CACNA1B: variants seen among roughly 807,000 people sequenced by gnomAD.
CACNA1B encodes calcium voltage-gated channel subunit alpha1 B.
A neutral mutation model predicts 247.2 loss-of-function variants in CACNA1B; 70 were observed. The ratio of observed to expected loss-of-function variants is 0.28; its 90% CI spans 0.23 to 0.35. The LOEUF is 0.35. CACNA1B is among the 10% of genes least tolerant of loss of function. The probability of loss-of-function intolerance (pLI) is 1.00; values close to 1 mark genes in which losing one functional copy is unlikely to be tolerated. For missense variants in CACNA1B, 2,367 were observed against 3,197.4 expected (o/e 0.74, Z 6.26); for synonymous variants, 1,231 against 1,294.4 (o/e 0.95, Z 1.05).
At chr9:138,053,797 C>T in intron 25 of CACNA1B, 49 bp from the exon 26 acceptor site, 1 of 1,446,098 alleles carries the variant, frequency 6.9e-7, no homozygotes, top group Non-Finnish European at 9.6e-7. Flanking sequence ...GCCCCACTCT[C>T]CCACCATGAT....
rs780317106 is a variant in CACNA1B, at chr9:138,023,651, G to A, written c.2908G>A (p.Glu970Lys). The A allele has an allele frequency of 1.7e-5, 25 of 1,440,608 alleles. No individual in the cohort carries two copies. The East Asian group carries it at 7.5e-4, about 43-fold the overall frequency. The allele number at this position is 1,440,608 out of a possible 1,614,324, so 89.2% of individuals were successfully genotyped here. A position where few individuals can be genotyped will look rare whatever the true frequency, so the allele number is the denominator to read the frequency against. Residue 970 changes from glutamate to lysine, a missense_variant, in exon 19 of 47, where the codon GAG becomes AAG. Around this residue, in one of 12 missense-constraint regions of CACNA1B, gnomAD observed 631 missense variants for 631.1 expected, o/e 1.00. Coordinates refer to ENST00000371372, the MANE Select transcript of CACNA1B (RefSeq NM_000718.4). ...CCCCCGAGCGGGGCCCCGGGAGGCG[G>A]AGAGCGGGGAGGAGCCGGCGCGGCG... is the stretch of plus-strand genomic sequence containing the variant. ...GGPRAGPREA[E>K]SGEEPARRHR... is the part of the protein sequence containing the mutation.
At chr9:138,005,397 G>A (rs1393714044) in intron 15 of CACNA1B, among the ~76,000 whole-genome samples, 1 of 152,198 alleles carries the variant, frequency 6.6e-6, no homozygotes, top group East Asian at 1.9e-4. Flanking sequence ...TCACTCAGAT[G>A]TGAGAGCAAA....
At chr9:138,044,024 C>T (rs1589090261) in intron 21 of CACNA1B, 124 bp downstream of exon 21, 2 of 1,295,210 alleles carry the variant, frequency 1.5e-6, no homozygotes, top group East Asian at 4.7e-5. Context: ...CTCTAAATCC[C>T]ATGGCAGACC....
chr9:138,109,639 C>G (rs1003990534), intron 39 of CACNA1B, among the ~76,000 whole-genome samples: 1 of 152,226 alleles, frequency 6.6e-6, no homozygotes, highest in Non-Finnish European at 1.5e-5. Context: ...ACAGTCACAT[C>G]TGGGGCTTAG....
intron 3 of CACNA1B, among the ~76,000 whole-genome samples, chr9:137,905,214 G>A (rs1191941404): frequency 6.6e-6 from 1 of 152,044 alleles, no homozygotes; most frequent in Non-Finnish European, 1.5e-5. Flanking sequence ...TTAGCCAGGT[G>A]TGGTGGCACG....
In CACNA1B at chr9:138,046,821, C is replaced by T. The variant is rs779207280; in HGVS notation, c.3414-83C>T. The T allele has an allele frequency of 6.0e-5, 82 of 1,362,390 alleles. 1 individual carries two copies. Among genetic ancestry groups the T allele is most frequent in the Middle Eastern group, 4.0e-4 (2 of 4,996 alleles). The allele number at this position is 1,362,390 out of a possible 1,614,324, so 84.4% of individuals were successfully genotyped here. On this transcript the variant is annotated intron_variant, in intron 21 of 46. Transcript: ENST00000371372. ...CTGAGGCAGCCCAGAGCCCTTTCTG[C>T]GGGACGGGCTGAGCCTGCCCTGTGG...
chr9:138,105,906 G>A (rs1158515407), intron 39 of CACNA1B, 99 bp downstream of exon 39: 4 of 714,926 alleles, frequency 5.6e-6, no homozygotes, highest in African/African-American at 1.7e-5. Context: ...GGAGGGTGAG[G>A]GGCCAGCTGT....
At chr9:137,998,004 G>A (rs1958519685) in intron 15 of CACNA1B, among the ~76,000 whole-genome samples, 2 of 152,144 alleles carry the variant, frequency 1.3e-5, no homozygotes, top group Non-Finnish European at 2.9e-5. Flanking sequence ...TGAACAATGT[G>A]CAAAACAATG....
In CACNA1B at chr9:138,115,561, G is replaced by C; in HGVS notation, c.5659G>C (p.Val1887Leu). ...TTTGCCTCCTTTGCAGATGGGTCCT[G>C]TGTCCCTGTTCCACCCTCTGAAGGC... ...APGGLSQMGP[V>L]SLFHPLKATL... Residue 1887 changes from valine (V) to leucine (L), a missense_variant, in exon 42 of 47, where the codon GTG (valine) becomes CTG (leucine). Transcript: ENST00000371372. The C allele has an allele frequency of 6.2e-7, 1 of 1,613,174 alleles. No individual in the cohort carries two copies. Among genetic ancestry groups the C allele is most frequent in the Non-Finnish European group, 8.5e-7 (1 of 1,179,756 alleles).
chr9:138,070,416 C>T (rs908773231), intron 32 of CACNA1B, among the ~76,000 whole-genome samples: 9 of 152,218 alleles, frequency 5.9e-5, no homozygotes, highest in African/African-American at 1.9e-4. Flanking sequence ...CTCCCCCATT[C>T]GCATGTCACT....
rs143138319 is a variant in CACNA1B, at chr9:138,120,054, T to TG, written c.6031-105dup. 1.0e-5 allele frequency: 9 copies of TG among 895,308 alleles called. No individual in the cohort carries two copies. The East Asian group carries it at 1.3e-4, about 13-fold the overall frequency. The allele number at this position is 895,308 out of a possible 1,614,324, so 55.5% of individuals were successfully genotyped here. On this transcript the variant is annotated intron_variant, in intron 44 of 46. Transcript: ENST00000371372. The stretch of plus-strand genomic sequence containing the variant: ...GGTCCTTCTGACTGTGAGACCAGGA[T>TG]GGGGGGCGTGTGGGCCTGCTGTCTG...
rs200576631 is a variant in CACNA1B, at chr9:138,059,662, C to T, written c.4593C>T (p.Phe1531=). The T allele has an allele frequency of 2.9e-5, 47 of 1,598,910 alleles. No individual in the cohort carries two copies. The Middle Eastern group carries it at 6.6e-4, about 22-fold the overall frequency. Residue 1531 remains phenylalanine (F), a synonymous_variant, in exon 31 of 47, where the codon TTC becomes TTT. Coordinates refer to ENST00000371372, the MANE Select transcript of CACNA1B (RefSeq NM_000718.4). The surrounding 1 kb of genome is among the most constrained non-coding windows in gnomAD (Gnocchi z 4.2). ...CTCTTCTTTTTCTCTAGAACTATTT[C>T]AGAGATGCCTGGAATGTCTTTGACT... is the stretch of plus-strand genomic sequence containing the variant. ...KIIAFGVLNY[F]RDAWNVFDFV...
At position 137,932,682 on chromosome 9, in the gene CACNA1B, A is replaced by G. The variant is rs145178833; in HGVS notation, c.966+15251A>G. ...TACTGGGGAACCAAAAGGCAACTAG[A>G]CGTCTCAGGATTAGTACATTCTTCA... On this transcript the variant is annotated intron_variant, in intron 6 of 46. Coordinates refer to ENST00000371372, the MANE Select transcript of CACNA1B (RefSeq NM_000718.4). 2.5e-3 allele frequency among the ~76,000 whole-genome samples: 376 copies of G among 152,294 alleles called. 1 individual carries two copies. The highest frequency in any genetic ancestry group is 8.8e-3 in the African/African-American group (367 of 41,562).
At chr9:137,922,215 GCACCACGACCGCAAAGCATC>G in intron 6 of CACNA1B, among the ~76,000 whole-genome samples, 1 of 143,024 alleles carries the variant, frequency 7.0e-6, no homozygotes, top group South Asian at 2.2e-4. Flanking sequence ...AACATGATCA[GCACCACGACCGCAAAGCATC>G]CTGGGAGCAG....
At chr9:138,081,988 TA>T (rs1280065191) in intron 36 of CACNA1B, among the ~76,000 whole-genome samples, 3 of 151,028 alleles carry the variant, frequency 2.0e-5, no homozygotes, top group Non-Finnish European at 4.4e-5. Flanking sequence ...CCTTATACCA[TA>T]TACAAAGATT....
chr9:137,968,204 T>TGGGGCC lies in CACNA1B; in HGVS notation c.1334-3179_1334-3178insGGGGCC, dbSNP rs1958104066. ...CCTCCACTGTTGGTTCAGGGTGGGC[T>TGGGGCC]TGGGGCCTGGGGCCTGGTGGGGAGG... On this transcript the variant is annotated intron_variant, in intron 10 of 46. Transcript: ENST00000371372. 2.0e-5 allele frequency among the ~76,000 whole-genome samples: 3 copies of TGGGGCC among 152,298 alleles called. No homozygotes were observed. In the East Asian group the frequency reaches 5.8e-4, roughly 29 times the overall value.
chr9:137,918,812 A>G (rs1957446202), intron 6 of CACNA1B, among the ~76,000 whole-genome samples: 1 of 152,226 alleles, frequency 6.6e-6, no homozygotes, highest in Non-Finnish European at 1.5e-5. Flanking sequence ...GAGTTAAGGA[A>G]AAGCCAGCAC....
At chr9:138,093,897 A>G (rs1960966845) in intron 36 of CACNA1B, among the ~76,000 whole-genome samples, 1 of 152,216 alleles carries the variant, frequency 6.6e-6, no homozygotes, top group African/African-American at 2.4e-5. Context: ...GAATTACAGA[A>G]TGATCCAGTA....
rs549505845 is a variant in CACNA1B at position 137,971,231 on chromosome 9, A to G, written c.1334-152A>G. On this transcript the variant is annotated intron_variant, in intron 10 of 46. Coordinates refer to ENST00000371372, the MANE Select transcript of CACNA1B (RefSeq NM_000718.4). The surrounding 1 kb of genome is among the most constrained non-coding windows in gnomAD (Gnocchi z 4.4). ...CAGGGCCTTGGTTCCCTCAGCTGTG[A>G]AGTGGAGGTCACAGGGGTCACTGGC... is the stretch of plus-strand genomic sequence containing the variant. Among the ~76,000 whole-genome samples the G allele has an allele frequency of 6.6e-5, 10 of 152,196 alleles. No homozygotes were observed. The East Asian group carries it at 1.4e-3, about 21-fold the overall frequency.
Sources: gnomAD v4.1 joint callset for allele counts (sites outside exome capture counted in the v4.1 genomes callset) on GRCh38, gnomAD v4.1.1 for gene constraint, gnomAD v4.1.1 regional missense constraint, Gnocchi (gnomAD v3.1) non-coding constraint, MANE v1.5 for transcripts, NCBI Gene and HGNC (gene_info 2026-07-23, HGNC 2026-07-21) for gene names.